The following TMEM108 variants were observed in gnomAD, a reference collection of about 807,000 sequenced individuals.
TMEM108 encodes the protein transmembrane protein 108.
In TMEM108, 12 loss-of-function variants were observed where a neutral mutation model predicts 35.1. The ratio of observed to expected loss-of-function variants is 0.34; its 90% CI spans 0.22 to 0.55. The LOEUF (loss-of-function observed/expected upper bound fraction) is 0.55. Among genes scored for constraint, TMEM108 ranks in the 20% least tolerant of loss-of-function variants. The pLI is 0.89. For missense variants in TMEM108, 680 were observed against 753.3 expected (o/e 0.90, Z 1.14); for synonymous variants, 287 against 308.6 (o/e 0.93, Z 0.73).
intron 3 of TMEM108, among the ~76,000 whole-genome samples, chr3:133,349,844 C>T (rs2071937124): frequency 6.6e-6 from 1 of 152,030 alleles, no homozygotes; most frequent in African/African-American, 2.4e-5. Context: ...GGATTGTAAA[C>T]TAGTACAGCC....
intron 5 of TMEM108, among the ~76,000 whole-genome samples, chr3:133,391,665 T>C (rs1250825673): frequency 6.6e-6 from 1 of 152,178 alleles, no homozygotes; most frequent in Non-Finnish European, 1.5e-5. Context: ...CCACTCCAGG[T>C]GTGTGCATGG....
intron 3 of TMEM108, among the ~76,000 whole-genome samples, chr3:133,309,997 G>C (rs570906028): frequency 1.1e-4 from 16 of 152,286 alleles, no homozygotes; most frequent in African/African-American, 3.8e-4. Flanking sequence ...ACCGCGCCCG[G>C]CCTTGAGTGA....
chr3:133,101,841 A>G (rs2107715844), intron 2 of TMEM108, among the ~76,000 whole-genome samples: 1 of 152,340 alleles, frequency 6.6e-6, no homozygotes, highest in African/African-American at 2.4e-5. Flanking sequence ...CACACCCATA[A>G]TATGTCACTT....
chr3:133,137,437 T>C (rs1944580608), intron 2 of TMEM108, among the ~76,000 whole-genome samples: 1 of 152,180 alleles, frequency 6.6e-6, no homozygotes, highest in Non-Finnish European at 1.5e-5. Flanking sequence ...CGAAACACCA[T>C]CCTGTCACGC....
At chr3:133,159,443 C>T (rs1158925871) in intron 2 of TMEM108, among the ~76,000 whole-genome samples, 1 of 152,188 alleles carries the variant, frequency 6.6e-6, no homozygotes, top group East Asian at 1.9e-4. Context: ...CCGTTCACTG[C>T]AAAGGATCCA....
chr3:133,085,855 G>A (rs1159666080), intron 2 of TMEM108, among the ~76,000 whole-genome samples: 1 of 151,770 alleles, frequency 6.6e-6, no homozygotes, highest in Non-Finnish European at 1.5e-5. Context: ...TAAGATCAAT[G>A]TACCATTTGA....
chr3:133,379,295 T>C (rs1232156226), intron 3 of TMEM108, among the ~76,000 whole-genome samples: 2 of 152,190 alleles, frequency 1.3e-5, no homozygotes, highest in Non-Finnish European at 2.9e-5. Context: ...CACCCAGGCC[T>C]TCCTCATTTG....
chr3:133,327,653 T>C (rs886301116), intron 3 of TMEM108, among the ~76,000 whole-genome samples: 2 of 152,180 alleles, frequency 1.3e-5, no homozygotes, highest in Non-Finnish European at 2.9e-5. Context: ...TCTTTTGCCC[T>C]TGTCAGTCTT....
intron 3 of TMEM108, among the ~76,000 whole-genome samples, chr3:133,328,844 C>G (rs1377074280): frequency 6.6e-6 from 1 of 152,144 alleles, no homozygotes; most frequent in Non-Finnish European, 1.5e-5. Context: ...ACCTTCTATG[C>G]CACAGGTTCC....
At chr3:133,187,435 G>T (rs934972284) in intron 2 of TMEM108, among the ~76,000 whole-genome samples, 1 of 152,080 alleles carries the variant, frequency 6.6e-6, no homozygotes, top group African/African-American at 2.4e-5. Flanking sequence ...CTCCAAGGCT[G>T]TCACTAACTG....
intron 2 of TMEM108, among the ~76,000 whole-genome samples, chr3:133,102,354 C>T (rs892651203): frequency 2.0e-5 from 3 of 152,154 alleles, no homozygotes; most frequent in Non-Finnish European, 4.4e-5. Context: ...TGGTCTCTCC[C>T]TTCTTTATCT....
intron 2 of TMEM108, among the ~76,000 whole-genome samples, chr3:133,163,815 G>T (rs1159689873): frequency 1.3e-5 from 2 of 152,068 alleles, no homozygotes; most frequent in Non-Finnish European, 2.9e-5. Context: ...TCCTCTTATT[G>T]TCATCTTTCT....
At chr3:133,228,630 A>G (rs1472588603) in intron 2 of TMEM108, among the ~76,000 whole-genome samples, 2 of 152,202 alleles carry the variant, frequency 1.3e-5, no homozygotes, top group African/African-American at 4.8e-5. Context: ...AATTAAATAT[A>G]AAATGAAACA....
chr3:133,101,078 G>C (rs979086843), intron 2 of TMEM108, among the ~76,000 whole-genome samples: 4 of 152,090 alleles, frequency 2.6e-5, no homozygotes, highest in Non-Finnish European at 5.9e-5. Context: ...GATTATTTAA[G>C]GTTATCTCCT....
At chr3:133,148,263 G>T (rs1272835904) in intron 2 of TMEM108, among the ~76,000 whole-genome samples, 1 of 152,146 alleles carries the variant, frequency 6.6e-6, no homozygotes, top group Non-Finnish European at 1.5e-5. Flanking sequence ...GTGCCAGAAA[G>T]TAAGAAAATG....
chr3:133,102,147 T>C (rs547274537), intron 2 of TMEM108, among the ~76,000 whole-genome samples: 11 of 152,328 alleles, frequency 7.2e-5, no homozygotes, highest in African/African-American at 2.4e-4. Flanking sequence ...TTGGCACACA[T>C]GCCCCTCAAC....
At chr3:133,223,262 C>G (rs186656896) in intron 2 of TMEM108, among the ~76,000 whole-genome samples, 5 of 152,284 alleles carry the variant, frequency 3.3e-5, no homozygotes, top group Admixed American at 3.3e-4. Flanking sequence ...TCAACCTGTC[C>G]AGAGATTCTG....
At chr3:133,178,029 A>G (rs1463292725) in intron 2 of TMEM108, among the ~76,000 whole-genome samples, 1 of 152,220 alleles carries the variant, frequency 6.6e-6, no homozygotes, top group Non-Finnish European at 1.5e-5. Context: ...ACAGACAAAC[A>G]GAGAGCCAAA....
At chr3:133,200,183 G>T (rs529884932) in intron 2 of TMEM108, among the ~76,000 whole-genome samples, 1 of 152,280 alleles carries the variant, frequency 6.6e-6, no homozygotes, top group East Asian at 1.9e-4. Context: ...CCCTTGGCTA[G>T]GAAAGGGAAT....
Sources: gnomAD v4.1 joint callset for allele counts (sites outside exome capture counted in the v4.1 genomes callset) on GRCh38, gnomAD v4.1.1 for gene constraint, MANE v1.5 for transcripts, NCBI Gene and HGNC (gene_info 2026-07-23, HGNC 2026-07-21) for gene names.